Variants in SYNPO2 observed in about 807,000 individuals in gnomAD.
SYNPO2 encodes synaptopodin-2.
SYNPO2 carries 56 observed loss-of-function variants against 85.0 expected under a neutral mutation model. That is an observed-to-expected ratio of 0.66 (90% CI 0.53 to 0.82). The LOEUF is 0.82. Among genes scored for constraint, SYNPO2 ranks in the 40% least tolerant of loss-of-function variants. The pLI, the probability that SYNPO2 is intolerant of heterozygous loss-of-function variation, is 0.00. For missense variants in SYNPO2, 1,575 were observed against 1,534.2 expected, an observed-to-expected ratio of 1.03 and a Z score of -0.44; for synonymous variants, 602 against 591.1, an observed-to-expected ratio of 1.02 and a Z score of -0.27.
At chr4:118,964,049 C>T (rs78420242) in intron 1 of SYNPO2, among the ~76,000 whole-genome samples, 1 of 152,122 alleles carries the variant, frequency 6.6e-6, no homozygotes, top group African/African-American at 2.4e-5. Context: ...GGGGACCACC[C>T]GTCAAGATTA....
intron 4 of SYNPO2, among the ~76,000 whole-genome samples, chr4:119,051,405 A>G (rs1374914810): frequency 1.3e-5 from 2 of 150,868 alleles, no homozygotes; most frequent in African/African-American, 4.9e-5. Context: ...TTTAGCCGGG[A>G]TGGTCTCGAT....
intron 1 of SYNPO2, among the ~76,000 whole-genome samples, chr4:118,989,905 C>T (rs1305459432): frequency 1.3e-5 from 2 of 152,172 alleles, no homozygotes; most frequent in East Asian, 1.9e-4. Flanking sequence ...ATCAGTAGAC[C>T]GATCCACTTC....
chr4:119,054,469 G>A (rs370975197), intron 4 of SYNPO2, among the ~76,000 whole-genome samples: 4 of 152,156 alleles, frequency 2.6e-5, no homozygotes, highest in African/African-American at 9.7e-5. Context: ...ACTAAGCTAC[G>A]AAAATGGCTC....
intron 1 of SYNPO2, among the ~76,000 whole-genome samples, chr4:118,900,699 C>CTATATATATATATATA (rs1339820717): frequency 1.7e-4 from 5 of 29,442 alleles, no homozygotes; most frequent in Non-Finnish European, 3.4e-4. Flanking sequence ...CTCTCTCTCT[C>CTATATATATATATATA]TCTCTATATA....
At chr4:118,928,053 G>C (rs1469663865) in intron 1 of SYNPO2, among the ~76,000 whole-genome samples, 4 of 152,152 alleles carry the variant, frequency 2.6e-5, no homozygotes, top group Admixed American at 1.3e-4. Context: ...CAGGCTGCTT[G>C]GCTCCCATCA....
chr4:119,032,179 A>T (rs1738303848), intron 4 of SYNPO2, 152 bp downstream of exon 4: 3 of 1,463,676 alleles, frequency 2.0e-6, no homozygotes, highest in South Asian at 2.9e-5. Context: ...TCACCTCCTA[A>T]TCTGGGTCCA....
chr4:118,924,235 T>C (rs1288241789), intron 1 of SYNPO2, among the ~76,000 whole-genome samples: 2 of 152,198 alleles, frequency 1.3e-5, no homozygotes, highest in Non-Finnish European at 2.9e-5. Flanking sequence ...ATTCCAGGAC[T>C]GTACATGTCT....
intron 1 of SYNPO2, among the ~76,000 whole-genome samples, chr4:119,013,205 C>T (rs1489756309): frequency 6.6e-6 from 1 of 152,154 alleles, no homozygotes; most frequent in Admixed American, 6.5e-5. Context: ...CACAAATGTA[C>T]CAGGGGCCTT....
At chr4:118,850,692 G>A (rs1731405538) in exon 1 of SYNPO2, 2 of 398,540 alleles carry the variant, frequency 5.0e-6, no homozygotes, top group African/African-American at 2.1e-5. Context: ...CTTTCAATTT[G>A]TTGCCTTCAA....
chr4:119,014,181 G>C (rs1283650182), intron 1 of SYNPO2, among the ~76,000 whole-genome samples: 1 of 152,196 alleles, frequency 6.6e-6, no homozygotes, highest in Non-Finnish European at 1.5e-5. Flanking sequence ...CCAGCACTTT[G>C]GGAGGCCAAG....
intron 1 of SYNPO2, among the ~76,000 whole-genome samples, chr4:118,882,929 A>AT (rs1732133336): frequency 6.6e-6 from 1 of 151,860 alleles, no homozygotes; most frequent in Admixed American, 6.6e-5. Flanking sequence ...CGCCCGGCTA[A>AT]TTTTTTGTAT....
At chr4:118,910,699 G>A (rs1285796137) in intron 1 of SYNPO2, among the ~76,000 whole-genome samples, 1 of 151,860 alleles carries the variant, frequency 6.6e-6, no homozygotes, top group East Asian at 1.9e-4. Flanking sequence ...GCATGTGGGT[G>A]GATGAGTGTG....
At chr4:118,911,946 G>A (rs996813820) in intron 1 of SYNPO2, among the ~76,000 whole-genome samples, 1 of 152,130 alleles carries the variant, frequency 6.6e-6, no homozygotes, top group Non-Finnish European at 1.5e-5. Flanking sequence ...AAGTCTAGGT[G>A]CAAAATAAGA....
rs532510249 is a variant in SYNPO2 at position 119,036,365 on chromosome 4, A to C, written c.3252+4338A>C. On this transcript the variant is annotated intron_variant, in intron 4 of 4. Transcript: ENST00000307142. ...GAACCAACACTGTATTCCCAGAAAC[A>C]TGACCCTCGCTGGTCTTGGGTCCAC... The C allele has an allele frequency of 1.1e-5, 11 of 985,462 alleles. 1 individual carries two copies. In the East Asian group the frequency reaches 5.7e-4, roughly 51 times the overall value. 61.0% of individuals were successfully genotyped at this position (985,462 alleles called of 1,614,324 possible).
At chr4:118,951,982 G>T (rs773276809) in intron 1 of SYNPO2, among the ~76,000 whole-genome samples, 5 of 152,176 alleles carry the variant, frequency 3.3e-5, no homozygotes, top group Non-Finnish European at 5.9e-5. Context: ...TACAACCCAA[G>T]TAAGGAGTCT....
At chr4:119,015,428 C>T (rs1421650685) in intron 1 of SYNPO2, among the ~76,000 whole-genome samples, 1 of 152,006 alleles carries the variant, frequency 6.6e-6, no homozygotes, top group Non-Finnish European at 1.5e-5. Context: ...CAAATGCAGA[C>T]TTCATATGTC....
At chr4:118,946,072 A>C (rs1734493431) in intron 1 of SYNPO2, among the ~76,000 whole-genome samples, 1 of 152,086 alleles carries the variant, frequency 6.6e-6, no homozygotes, top group Non-Finnish European at 1.5e-5. Context: ...ACTATTAGGA[A>C]AATACCTGGA....
exon 1 of SYNPO2, chr4:118,850,760 T>C (rs1001157639): frequency 5.0e-6 from 2 of 398,534 alleles, no homozygotes; most frequent in East Asian, 7.1e-5. Context: ...AAGATCTGAA[T>C]TCGGCAACTC....
chr4:119,000,097 T>C (rs937371876), intron 1 of SYNPO2, among the ~76,000 whole-genome samples: 4 of 152,198 alleles, frequency 2.6e-5, no homozygotes, highest in African/African-American at 9.7e-5. Context: ...AGTGGCACAA[T>C]CATGGTTCAA....
Sources: allele counts gnomAD v4.1 joint callset (sites outside exome capture counted in the v4.1 genomes callset), GRCh38; gene constraint gnomAD v4.1.1; transcripts MANE v1.5; gene names NCBI Gene and HGNC (gene_info 2026-07-23, HGNC 2026-07-21).